ANXA8: variants seen among roughly 807,000 people sequenced by gnomAD.
ANXA8 encodes annexin A8, also known as VAC-beta.
A neutral mutation model predicts 26.8 loss-of-function variants in ANXA8; 9 were observed. That is an observed-to-expected ratio of 0.34 (90% CI 0.20 to 0.59). ANXA8 has a LOEUF of 0.59. Among genes scored for constraint, ANXA8 ranks in the 20% least tolerant of loss-of-function variants. The pLI is 0.84. For missense variants in ANXA8, 83 were observed against 238.5 expected, an observed-to-expected ratio of 0.35 and a Z score of 4.29; for synonymous variants, 39 against 94.8, an observed-to-expected ratio of 0.41 and a Z score of 3.42.
At chr10:47,612,765 C>A in the ANXA8 span, among the ~76,000 whole-genome samples, 12 of 73,824 alleles carry the variant, frequency 1.6e-4, 4 homozygotes, top group African/African-American at 4.8e-4. Flanking sequence ...AGCATGTTAG[C>A]ATACTCAGCC....
At chr10:47,657,349 G>A in the ANXA8 span, among the ~76,000 whole-genome samples, 9 of 151,860 alleles carry the variant, frequency 5.9e-5, no homozygotes, top group African/African-American at 2.2e-4. Flanking sequence ...AAATTTTAAT[G>A]TTTAGAGATC....
chr10:47,778,043 A>G, the ANXA8 span, among the ~76,000 whole-genome samples: 1 of 152,012 alleles, frequency 6.6e-6, no homozygotes, highest in African/African-American at 2.4e-5. Flanking sequence ...TTGGTAACAC[A>G]TGCCCCTTAA....
At chr10:47,500,600 T>G in the ANXA8 span, among the ~76,000 whole-genome samples, 5 of 85,520 alleles carry the variant, frequency 5.8e-5, no homozygotes, top group Admixed American at 1.2e-4. Context: ...TACTCATGTG[T>G]TTTTTTTTTT....
the ANXA8 span, among the ~76,000 whole-genome samples, chr10:47,682,405 A>G: frequency 6.9e-6 from 1 of 145,208 alleles, no homozygotes; most frequent in Non-Finnish European, 1.5e-5. Context: ...GGCATGCCTA[A>G]ACTAGGACTG....
chr10:47,983,434 A>G, the ANXA8 span, among the ~76,000 whole-genome samples: 2 of 145,938 alleles, frequency 1.4e-5, no homozygotes, highest in Non-Finnish European at 3.0e-5. Context: ...ACTAAACTCC[A>G]CTGAAGGACG....
chr10:47,468,939 G>A, intron 11 of ANXA8, 33 bp from the exon 12 acceptor site: 2 of 1,608,342 alleles, frequency 1.2e-6, no homozygotes, highest in Non-Finnish European at 1.7e-6. Flanking sequence ...CGTGAGAAGG[G>A]GTTTGCTTGT....
At chr10:47,547,352 T>C in the ANXA8 span, among the ~76,000 whole-genome samples, 19 of 141,924 alleles carry the variant, frequency 1.3e-4, 1 homozygote, top group African/African-American at 4.9e-4. Flanking sequence ...AAGCAAAGCA[T>C]AGAACAGTGT....
chr10:47,743,867 C>T, the ANXA8 span, among the ~76,000 whole-genome samples: 7 of 144,264 alleles, frequency 4.9e-5, no homozygotes, highest in African/African-American at 1.8e-4. Flanking sequence ...TCCGTCCCCA[C>T]AGTGCCCAGA....
the ANXA8 span, among the ~76,000 whole-genome samples, chr10:47,944,114 G>A: frequency 6.8e-6 from 1 of 146,400 alleles, no homozygotes; most frequent in East Asian, 2.1e-4. Flanking sequence ...CTGGAGGCTG[G>A]GAAGTCCAGG....
At chr10:47,907,217 C>T in the ANXA8 span, among the ~76,000 whole-genome samples, 8 of 151,960 alleles carry the variant, frequency 5.3e-5, no homozygotes, top group Admixed American at 1.3e-4. Context: ...ATTAGCCGGG[C>T]GTGGTGGCGG....
the ANXA8 span, among the ~76,000 whole-genome samples, chr10:47,489,975 C>T: frequency 6.6e-6 from 1 of 150,744 alleles, no homozygotes; most frequent in Admixed American, 6.6e-5. Context: ...CAATGAGCCC[C>T]ATGAGGGCAT....
the ANXA8 span, among the ~76,000 whole-genome samples, chr10:47,721,830 T>TA: frequency 2.5e-5 from 3 of 120,668 alleles, no homozygotes; most frequent in Non-Finnish European, 5.1e-5. Flanking sequence ...AAGCCCAGCC[T>TA]AAAAGCCTTT....
chr10:47,493,612 G>A, the ANXA8 span, among the ~76,000 whole-genome samples: 2 of 150,804 alleles, frequency 1.3e-5, no homozygotes, highest in Admixed American at 6.6e-5. Flanking sequence ...ACCAGTCCCC[G>A]CTTTCAGGAG....
chr10:47,497,660 G>A, the ANXA8 span, among the ~76,000 whole-genome samples: 7 of 143,250 alleles, frequency 4.9e-5, no homozygotes, highest in South Asian at 1.1e-3. Context: ...TTTGACAGCC[G>A]GGCATGGTGG....
At chr10:47,546,181 G>A in the ANXA8 span, among the ~76,000 whole-genome samples, 5 of 135,222 alleles carry the variant, frequency 3.7e-5, no homozygotes, top group East Asian at 3.1e-4. Flanking sequence ...AATACGTACA[G>A]AAAACCAACC....
At chr10:47,733,233 C>CTTTCTTTCTTTCTCTT in the ANXA8 span, among the ~76,000 whole-genome samples, 2 of 59,690 alleles carry the variant, frequency 3.4e-5, no homozygotes, top group Admixed American at 4.1e-4. Context: ...CTTTCTTTCT[C>CTTTCTTTCTTTCTCTT]TCTTTCTTTC....
At chr10:47,516,186 T>TA in the ANXA8 span, among the ~76,000 whole-genome samples, 1 of 68,556 alleles carries the variant, frequency 1.5e-5, no homozygotes, top group Non-Finnish European at 2.6e-5. Context: ...AGACTATCAG[T>TA]AAAAAAGTAA....
the ANXA8 span, among the ~76,000 whole-genome samples, chr10:47,761,270 G>A: frequency 6.9e-6 from 1 of 145,046 alleles, no homozygotes; most frequent in Non-Finnish European, 1.5e-5. Context: ...CCTGGAACAT[G>A]GGTTTCATAA....
At chr10:47,951,362 T>C in the ANXA8 span, among the ~76,000 whole-genome samples, 1 of 150,714 alleles carries the variant, frequency 6.6e-6, no homozygotes, top group African/African-American at 2.5e-5. Context: ...ATCAAATATT[T>C]AAGGAAGTAG....
Sources: allele counts gnomAD v4.1 joint callset (sites outside exome capture counted in the v4.1 genomes callset), GRCh38; gene constraint gnomAD v4.1.1; transcripts MANE v1.5; gene names NCBI Gene and HGNC (gene_info 2026-07-23, HGNC 2026-07-21).